The following C16orf87 variants were observed in gnomAD, a reference collection of about 807,000 sequenced individuals.
The protein encoded by C16orf87 is HDAC and MIER1 interacting protein 1.
C16orf87 carries 13 observed loss-of-function variants against 21.0 expected under a neutral mutation model. The ratio of observed to expected loss-of-function variants is 0.62; its 90% CI spans 0.40 to 0.98. The LOEUF (loss-of-function observed/expected upper bound fraction) is 0.98. Among genes scored for constraint, C16orf87 ranks in the 50% least tolerant of loss-of-function variants. The pLI, the probability that C16orf87 is intolerant of heterozygous loss-of-function variation, is 0.00. For missense variants in C16orf87, 113 were observed against 180.4 expected, an observed-to-expected ratio of 0.63 and a Z score of 2.14; for synonymous variants, 49 against 60.2, an observed-to-expected ratio of 0.81 and a Z score of 0.86.
At chr16:46,830,603 C>G (rs1959816560) in intron 1 of C16orf87, 1 of 154,016 alleles carries the variant, frequency 6.5e-6, no homozygotes, top group South Asian at 2.1e-4. Context: ...CCGCCCCGGT[C>G]GCGGAGGGGC....
At chr16:46,815,324 T>C (rs1475184861) in intron 2 of C16orf87, among the ~76,000 whole-genome samples, 1 of 151,972 alleles carries the variant, frequency 6.6e-6, no homozygotes, top group Non-Finnish European at 1.5e-5. Flanking sequence ...ACATTGGATT[T>C]TGGCAATAAT....
intron 2 of C16orf87, among the ~76,000 whole-genome samples, chr16:46,812,850 A>G (rs1406793251): frequency 3.3e-5 from 5 of 152,202 alleles, no homozygotes; most frequent in African/African-American, 9.7e-5. Context: ...AAATCTTAAT[A>G]GACACCTCAC....
intron 3 of C16orf87, among the ~76,000 whole-genome samples, chr16:46,806,255 A>ATT (rs765265445): frequency 8.6e-4 from 108 of 125,770 alleles, no homozygotes; most frequent in African/African-American, 1.3e-3. Flanking sequence ...GTCTACATTC[A>ATT]TTTTTTTTTT....
chr16:46,824,278 ATAGATT>A (rs1959530386), intron 2 of C16orf87, 102 bp downstream of exon 2: 3 of 619,782 alleles, frequency 4.8e-6, no homozygotes, highest in Non-Finnish European at 8.5e-6. Flanking sequence ...AAACACTTGA[ATAGATT>A]TAAACTTTTA....
rs1434136841 is a variant in C16orf87, at chr16:46,797,881, A to G, written c.*5071T>C. ...TCAGTAACAGAAAGATAACTGAAAA[A>G]AACTCTAAATATTTGAAAATTATAG... is the stretch of plus-strand genomic sequence containing the variant. On this transcript the variant is annotated 3_prime_UTR_variant, in exon 4 of 4. Coordinates refer to ENST00000285697, the MANE Select transcript of C16orf87 (RefSeq NM_001001436.4). The G allele has an allele frequency of 2.0e-5, 3 of 152,168 alleles. No homozygotes were observed. Among genetic ancestry groups the G allele is most frequent in the East Asian group, 1.9e-4 (1 of 5,208 alleles). The allele number at this position is 152,168 out of a possible 1,614,324, so 9.4% of individuals were successfully genotyped here.
intron 1 of C16orf87, among the ~76,000 whole-genome samples, chr16:46,829,587 A>G (rs1343023223): frequency 1.3e-5 from 2 of 152,250 alleles, no homozygotes; most frequent in African/African-American, 4.8e-5. Flanking sequence ...ATAATTGGAA[A>G]TGATTTAAAC....
chr16:46,807,331 C>G (rs1967959490), intron 3 of C16orf87, among the ~76,000 whole-genome samples: 1 of 151,764 alleles, frequency 6.6e-6, no homozygotes, highest in Non-Finnish European at 1.5e-5. Context: ...GCAGGAGGAT[C>G]GCTTGAGCCC....
chr16:46,828,360 T>A (rs1959705818), intron 1 of C16orf87, among the ~76,000 whole-genome samples: 2 of 152,064 alleles, frequency 1.3e-5, no homozygotes, highest in Admixed American at 1.3e-4. Context: ...GTCCTTTAAA[T>A]TAAAAAAAAG....
intron 2 of C16orf87, among the ~76,000 whole-genome samples, chr16:46,814,854 T>C (rs1184260303): frequency 6.6e-6 from 1 of 152,154 alleles, no homozygotes; most frequent in African/African-American, 2.4e-5. Flanking sequence ...ATAAGATTAT[T>C]TTTGCAGAAA....
At chr16:46,818,644 C>T (rs1342473257) in intron 2 of C16orf87, among the ~76,000 whole-genome samples, 1 of 151,706 alleles carries the variant, frequency 6.6e-6, no homozygotes, top group Non-Finnish European at 1.5e-5. Flanking sequence ...GAACTAGTGT[C>T]CATTTAGAAA....
rs1437646858 is a variant in C16orf87, at chr16:46,798,918, G to C, written c.*4034C>G. ...AAGAGTCTACCCTCAATCTACTAAA[G>C]GGTATTTTTTCAAGCCCACAACAAC... On this transcript the variant is annotated 3_prime_UTR_variant, in exon 4 of 4. Transcript: ENST00000285697. The C allele has an allele frequency of 1.3e-5, 2 of 151,992 alleles. No individual in the cohort carries two copies. Among genetic ancestry groups the C allele is most frequent in the African/African-American group, 4.8e-5 (2 of 41,380 alleles). The allele number at this position is 151,992 out of a possible 1,614,324, so 9.4% of individuals were successfully genotyped here.
In C16orf87 at chr16:46,799,811, T is replaced by C. The variant is rs976069412; in HGVS notation, c.*3141A>G. On this transcript the variant is annotated 3_prime_UTR_variant, in exon 4 of 4. Transcript: ENST00000285697. ...CTGGAAGCACCACACCCAGCTAATT[T>C]TACTTTTTGTAGAGACGCGGTCTCA... The C allele has an allele frequency of 6.6e-6, 1 of 152,190 alleles. No homozygotes were observed. The highest frequency in any genetic ancestry group is 1.5e-5 in the Non-Finnish European group (1 of 68,050). The allele number at this position is 152,190 out of a possible 1,614,324, so 9.4% of individuals were successfully genotyped here.
chr16:46,816,391 T>C (rs576623369), intron 2 of C16orf87, among the ~76,000 whole-genome samples: 2 of 152,220 alleles, frequency 1.3e-5, no homozygotes, highest in Non-Finnish European at 2.9e-5. Context: ...TATTTTGTTA[T>C]ATTTTCCCAC....
chr16:46,819,864 C>T (rs535327253), intron 2 of C16orf87, among the ~76,000 whole-genome samples: 1 of 151,840 alleles, frequency 6.6e-6, no homozygotes, highest in East Asian at 2.0e-4. Flanking sequence ...ATCCTAGCTA[C>T]TTGGGAGGCT....
intron 2 of C16orf87, among the ~76,000 whole-genome samples, chr16:46,820,137 C>G (rs986901414): frequency 2.3e-4 from 35 of 152,180 alleles, no homozygotes; most frequent in African/African-American, 8.4e-4. Context: ...AAAAACATGA[C>G]TTTTAAACAA....
chr16:46,806,808 T>A (rs1967944362), intron 3 of C16orf87, among the ~76,000 whole-genome samples: 1 of 152,166 alleles, frequency 6.6e-6, no homozygotes, highest in Non-Finnish European at 1.5e-5. Flanking sequence ...AGAAAAGTCA[T>A]TTTTCCCCCT....
chr16:46,817,068 G>A lies in C16orf87; in HGVS notation c.164-7283C>T, dbSNP rs569929375. 4.6e-5 allele frequency among the ~76,000 whole-genome samples: 7 copies of A among 152,218 alleles called. No individual in the cohort carries two copies. In the South Asian group the frequency reaches 1.5e-3, roughly 32 times the overall value. ...CTTCCAATACAGTGTCAGTTTCCAA[G>A]ACAGTGTAAAAGGCAATCCTAACAT... On this transcript the variant is annotated intron_variant, in intron 2 of 3. Coordinates refer to ENST00000285697, the MANE Select transcript of C16orf87 (RefSeq NM_001001436.4).
chr16:46,830,308 G>GAGAGAGAGAGAGAGAGAGAGAGAC (rs1555479576), intron 1 of C16orf87, among the ~76,000 whole-genome samples: 1 of 23,062 alleles, frequency 4.3e-5, no homozygotes, highest in East Asian at 9.5e-4. Flanking sequence ...GAGAGAGAGA[G>GAGAGAGAGAGAGAGAGAGAGAGAC]ACACACAGAG....
chr16:46,806,633 A>G (rs1967938001), intron 3 of C16orf87, among the ~76,000 whole-genome samples: 2 of 152,186 alleles, frequency 1.3e-5, no homozygotes, highest in Non-Finnish European at 2.9e-5. Context: ...TGTCACTTCT[A>G]TATTATAATA....
Sources: allele counts gnomAD v4.1 joint callset (sites outside exome capture counted in the v4.1 genomes callset), GRCh38; gene constraint gnomAD v4.1.1; transcripts MANE v1.5; gene names NCBI Gene and HGNC (gene_info 2026-07-23, HGNC 2026-07-21).